The following DGUOK variants were observed in gnomAD, a reference collection of about 807,000 sequenced individuals.
The protein encoded by DGUOK is deoxyguanosine kinase.
A neutral mutation model predicts 36.6 loss-of-function variants in DGUOK; 30 were observed. The ratio of observed to expected loss-of-function variants is 0.82; its 90% confidence interval spans 0.61 to 1.11. The LOEUF (loss-of-function observed/expected upper bound fraction) is 1.11, where lower values mean the gene tolerates loss of function less well. DGUOK is among the 50% of genes most tolerant of loss of function. The probability of loss-of-function intolerance (pLI) is 0.00; values close to 1 mark genes in which losing one functional copy is unlikely to be tolerated. For synonymous variants in DGUOK, 145 were observed against 126.3 expected, an observed-to-expected ratio of 1.15 and a Z score of -0.99; for missense variants, 361 against 336.4, an observed-to-expected ratio of 1.07 and a Z score of -0.57.
rs550822736 is a variant in DGUOK at position 73,951,399 on chromosome 2, G to A, written c.591+667G>A. 3.9e-5 allele frequency among the ~76,000 whole-genome samples: 6 copies of A among 152,016 alleles called. No homozygotes were observed. In the South Asian group the frequency reaches 1.2e-3, roughly 32 times the overall value. The stretch of plus-strand genomic sequence containing the variant: ...AGATCCTTGCCTGTAAAATCCACTG[G>A]TTCAATCTAGACGATCTCTAAGGGC... On this transcript the variant is annotated intron_variant, in intron 4 of 6. Transcript: ENST00000264093.
intron 4 of DGUOK, among the ~76,000 whole-genome samples, chr2:73,955,260 T>TA (rs970731936): frequency 1.9e-4 from 29 of 152,320 alleles, no homozygotes; most frequent in African/African-American, 6.0e-4. Flanking sequence ...AGTCACATTT[T>TA]AAAAAAATTT....
chr2:73,950,088 TA>T (rs1351155697), intron 3 of DGUOK, among the ~76,000 whole-genome samples: 4 of 152,240 alleles, frequency 2.6e-5, no homozygotes, highest in Non-Finnish European at 4.4e-5. Flanking sequence ...ATGTCTCAGC[TA>T]AACAAAAGGA....
chr2:73,929,948 G>A (rs1680886205), intron 1 of DGUOK, among the ~76,000 whole-genome samples: 2 of 152,190 alleles, frequency 1.3e-5, no homozygotes, highest in African/African-American at 4.8e-5. Context: ...AAGAATTAGA[G>A]CATGTTTTTA....
At chr2:73,933,806 C>T (rs1681242176) in intron 1 of DGUOK, among the ~76,000 whole-genome samples, 1 of 152,094 alleles carries the variant, frequency 6.6e-6, no homozygotes, top group South Asian at 2.1e-4. Context: ...ATCATCATTT[C>T]AGTTATAGTA....
rs960319330 is a variant in DGUOK, at chr2:73,929,215, C to T, written c.142+2163C>T. ...AGCCTGCCTCCCAGGCTCAAGCCAT[C>T]CTCCCACCTTAGCCTCTTGAGTAGC... On this transcript the variant is annotated intron_variant, in intron 1 of 6. Coordinates refer to ENST00000264093, the MANE Select transcript of DGUOK (RefSeq NM_080916.3). 2.6e-5 allele frequency among the ~76,000 whole-genome samples: 4 copies of T among 152,198 alleles called. No individual in the cohort carries two copies. The South Asian group carries it at 8.3e-4, about 32-fold the overall frequency.
At chr2:73,946,621 A>T in intron 2 of DGUOK, 98 bp from the exon 3 acceptor site, 1 of 1,102,382 alleles carries the variant, frequency 9.1e-7, no homozygotes, top group Non-Finnish European at 1.4e-6. Flanking sequence ...TTGATTATTA[A>T]ACCTGTTTGG....
chr2:73,954,284 AGT>A (rs1451827546), intron 4 of DGUOK, among the ~76,000 whole-genome samples: 1 of 152,164 alleles, frequency 6.6e-6, no homozygotes, highest in Non-Finnish European at 1.5e-5. Context: ...TTGAGGCTGC[AGT>A]GAGTCAGGAT....
chr2:73,946,729 C>T lies in DGUOK; in HGVS notation c.266C>T (p.Ala89Val). 2 of 1,614,132 alleles carry T rather than the reference C, an allele frequency of 1.2e-6. No individual in the cohort carries two copies. Among genetic ancestry groups the T allele is most frequent in the Non-Finnish European group, 1.7e-6 (2 of 1,180,026 alleles). Residue 89 changes from alanine (A) to valine (V), a missense_variant, in exon 3 of 7, where the codon GCC (alanine) becomes GTC (valine). Transcript: ENST00000264093. Reference sequence around the variant, plus strand: ...TTCATCTCCCTCTAGGCCTGCACTGCCCAAAGTCTTGGAAACTTGCTGGAT... The same window carrying T: ...TTCATCTCCCTCTAGGCCTGCACTGTCCAAAGTCTTGGAAACTTGCTGGAT... ...QAAGTQKACT[A>V]QSLGNLLDMM...
intron 2 of DGUOK, among the ~76,000 whole-genome samples, chr2:73,943,932 C>A (rs1372464726): frequency 6.6e-6 from 1 of 152,168 alleles, no homozygotes; most frequent in Non-Finnish European, 1.5e-5. Context: ...CAGGCATGAG[C>A]CACCATGTCC....
chr2:73,933,634 A>G (rs1257843268), intron 1 of DGUOK, among the ~76,000 whole-genome samples: 1 of 151,980 alleles, frequency 6.6e-6, no homozygotes, highest in African/African-American at 2.4e-5. Context: ...ACAGTTTTTC[A>G]TGAAAAAAGG....
rs2104962565 is a variant in DGUOK at position 73,950,572 on chromosome 2, C to T, written c.444-13C>T. 6.2e-7 allele frequency: 1 copy of T among 1,614,090 alleles called. No individual in the cohort carries two copies. Among genetic ancestry groups the T allele is most frequent in the East Asian group, 2.2e-5 (1 of 44,888 alleles). The stretch of plus-strand genomic sequence containing the variant: ...TCTCCTGCCCTCCCCATTCCCATCC[C>T]ACTTCCAACCAGGTATATCTTTGCA... On this transcript the variant is annotated splice_polypyrimidine_tract_variant and intron_variant, in intron 3 of 6. Coordinates refer to ENST00000264093, the MANE Select transcript of DGUOK (RefSeq NM_080916.3).
intron 3 of DGUOK, among the ~76,000 whole-genome samples, chr2:73,950,282 T>A (rs1197586632): frequency 6.6e-6 from 1 of 152,200 alleles, no homozygotes; most frequent in Non-Finnish European, 1.5e-5. Flanking sequence ...CAGAGAAAAT[T>A]GTTAGGGACC....
chr2:73,950,650 A>G lies in DGUOK; in HGVS notation c.509A>G (p.Gln170Arg), dbSNP rs74874677. ...AGTGACATCGAGTGGCATATCTATC[A>G]GGACTGGCATTCTTTTCTCCTGTGG... ...SLSDIEWHIY[Q>R]DWHSFLLWEF... Residue 170 changes from glutamine to arginine, a missense_variant, in exon 4 of 7, where the codon CAG becomes CGG. Coordinates refer to ENST00000264093, the MANE Select transcript of DGUOK (RefSeq NM_080916.3). The G allele has an allele frequency of 0.019, 30,794 of 1,614,182 alleles. 361 individuals are homozygous for G. The highest frequency in any genetic ancestry group is 0.022 in the Non-Finnish European group (26,013 of 1,180,004).
chr2:73,946,349 G>T (rs999517405), intron 2 of DGUOK, among the ~76,000 whole-genome samples: 2 of 152,192 alleles, frequency 1.3e-5, no homozygotes, highest in African/African-American at 4.8e-5. Context: ...GGAAAGATTT[G>T]ATTCAGAGTT....
At chr2:73,957,978 G>T in intron 5 of DGUOK, 168 bp from the exon 6 acceptor site, 2 of 572,078 alleles carry the variant, frequency 3.5e-6, no homozygotes, top group Non-Finnish European at 6.4e-6. Flanking sequence ...TTCTGTTTCC[G>T]GCCAACTTTA....
At chr2:73,943,328 T>TAAAA (rs1439847362) in intron 2 of DGUOK, among the ~76,000 whole-genome samples, 25 of 147,436 alleles carry the variant, frequency 1.7e-4, no homozygotes, top group Admixed American at 2.7e-4. Context: ...TAAAAATTTT[T>TAAAA]TTTTTTTTTT....
Position 73,954,161 on chromosome 2 carries a change from G to A in DGUOK, c.592-2964G>A, listed in dbSNP as rs565433983. Among the ~76,000 whole-genome samples the A allele has an allele frequency of 9.2e-5, 14 of 152,172 alleles. 1 individual carries two copies. The South Asian group carries it at 2.9e-3, about 32-fold the overall frequency. On this transcript the variant is annotated intron_variant, in intron 4 of 6. Transcript: ENST00000264093. Reference sequence around the variant, plus strand: ...GTTTAAGACCCACCTGGGCAACATAGTGAGAGCCCCCTGCCCTCTACAAAA... The same window carrying A: ...GTTTAAGACCCACCTGGGCAACATAATGAGAGCCCCCTGCCCTCTACAAAA...
At chr2:73,935,315 T>A (rs1315427959) in intron 1 of DGUOK, among the ~76,000 whole-genome samples, 1 of 152,136 alleles carries the variant, frequency 6.6e-6, no homozygotes, top group Non-Finnish European at 1.5e-5. Flanking sequence ...TCATAAGAGA[T>A]TGGCTGAAGA....
chr2:73,943,344 T>G (rs1682042812), intron 2 of DGUOK, among the ~76,000 whole-genome samples: 1 of 126,598 alleles, frequency 7.9e-6, no homozygotes, highest in Non-Finnish European at 1.7e-5. Context: ...TTTTTTTTTG[T>G]AGAGATAGGG....
Sources: allele counts gnomAD v4.1 joint callset (sites outside exome capture counted in the v4.1 genomes callset), GRCh38; gene constraint gnomAD v4.1.1; transcripts MANE v1.5; gene names NCBI Gene and HGNC (gene_info 2026-07-23, HGNC 2026-07-21).